Variants in LRRC53 observed in about 807,000 individuals in gnomAD.
LRRC53 encodes the protein leucine rich repeat containing 53, also known as leucine-rich repeat-containing protein 53.
A neutral mutation model predicts 13.6 loss-of-function variants in LRRC53; 25 were observed. The ratio of observed to expected loss-of-function variants is 1.83; its 90% CI spans 1.34 to 2.56. LRRC53 has a LOEUF of 2.56. Ranked by LOEUF, LRRC53 falls within the 30% of genes most tolerant of loss-of-function variation. The pLI is 0.00. For missense variants in LRRC53, 527 were observed against 275.8 expected (o/e 1.91, Z -6.45); for synonymous variants, 204 against 109.8 (o/e 1.86, Z -5.37).
At chr1:74,494,341 G>A (rs965936029) in intron 1 of LRRC53, among the ~76,000 whole-genome samples, 1 of 152,168 alleles carries the variant, frequency 6.6e-6, no homozygotes, top group Non-Finnish European at 1.5e-5. Flanking sequence ...TCTGATAAAG[G>A]AGTTGCAGCT....
chr1:74,502,985 G>A (rs186682324), intron 1 of LRRC53, among the ~76,000 whole-genome samples: 1 of 152,206 alleles, frequency 6.6e-6, no homozygotes, highest in South Asian at 2.1e-4. Flanking sequence ...AGTGACACTT[G>A]TGGACTAGCT....
chr1:74,515,200 T>C (rs561682538), upstream of LRRC53, among the ~76,000 whole-genome samples: 47 of 152,186 alleles, frequency 3.1e-4, 1 homozygote, highest in Non-Finnish European at 5.3e-4. Context: ...TGGAACTTTC[T>C]TATGGCAGCC....
Position 74,470,697 on chromosome 1 carries a change from G to T in LRRC53, c.2925C>A (p.Pro975=). Residue 975 remains proline (P), a synonymous_variant, in exon 5 of 5, where the codon CCC becomes CCA. Transcript: ENST00000294635. ...ENKEKTLMTK[P]QISHQIVENC... ...TTTCCACAATTTGATGTGATATTTGGGGTTTTGTCATTAATGTTTTTTCTT... is the reference window on the plus strand; with the variant it reads ...TTTCCACAATTTGATGTGATATTTGTGGTTTTGTCATTAATGTTTTTTCTT... The T allele has an allele frequency of 2.5e-6, 1 of 400,356 alleles. No homozygotes were observed. Among genetic ancestry groups the T allele is most frequent in the Admixed American group, 4.4e-5 (1 of 22,718 alleles). The allele number at this position is 400,356 out of a possible 1,614,324, so 24.8% of individuals were successfully genotyped here. A position where few individuals can be genotyped will look rare whatever the true frequency, so the allele number is the denominator to read the frequency against.
At chr1:74,490,864 A>G (rs1669033904) in intron 1 of LRRC53, among the ~76,000 whole-genome samples, 1 of 152,234 alleles carries the variant, frequency 6.6e-6, no homozygotes, top group Admixed American at 6.5e-5. Flanking sequence ...ATACATATAA[A>G]TATAATGTCC....
rs1366110861 is a variant in LRRC53, at chr1:74,472,099, G to T, written c.1523C>A (p.Pro508Gln). The T allele has an allele frequency of 2.8e-6, 2 of 716,696 alleles. No individual in the cohort carries two copies. The highest frequency in any genetic ancestry group is 5.2e-6 in the Non-Finnish European group (2 of 384,732). 44.4% of individuals were successfully genotyped at this position (716,696 alleles called of 1,614,324 possible). Residue 508 changes from proline (P) to glutamine (Q), a missense_variant, in exon 5 of 5, where the codon CCA (proline) becomes CAA (glutamine). By Grantham distance (76) the Pro-to-Gln change is moderately conservative. Transcript: ENST00000294635. ...KRLTNESWQP[P>Q]IEKEDNGLHP... ...TAAGCCATTGTCTTCTTTTTCTATT[G>T]GAGGCTGCCATGATTCATTTGTTAA...
chr1:74,507,588 C>T (rs1557615040), intron 1 of LRRC53, among the ~76,000 whole-genome samples: 1 of 152,132 alleles, frequency 6.6e-6, no homozygotes, highest in Admixed American at 6.5e-5. Context: ...TCAATCAATA[C>T]AAATCTTTCT....
chr1:74,520,626 G>A, the LRRC53 span, among the ~76,000 whole-genome samples: 1 of 151,906 alleles, frequency 6.6e-6, no homozygotes, highest in African/African-American at 2.4e-5. Flanking sequence ...AAAAAAAAAT[G>A]GGAAAAATCA....
In LRRC53 at chr1:74,471,104, A is replaced by G. The variant is rs1667910246; in HGVS notation, c.2518T>C (p.Leu840=). 1 of 400,722 alleles carries G rather than the reference A, an allele frequency of 2.5e-6. No individual in the cohort carries two copies. The highest frequency in any genetic ancestry group is 4.4e-5 in the Admixed American group (1 of 22,732). The allele number at this position is 400,722 out of a possible 1,614,324, so 24.8% of individuals were successfully genotyped here. Residue 840 remains leucine (L), a synonymous_variant, in exon 5 of 5, where the codon TTG becomes CTG. Transcript: ENST00000294635. ...GCATCAGTGGGTGTAGGTTGGGGCA[A>G]TTTTGATGTGTTTCCATCAGGAATG... ...GHIPDGNTSK[L]PQPTPTDAEH...
the LRRC53 span, among the ~76,000 whole-genome samples, chr1:74,518,942 T>C: frequency 9.4e-6 from 1 of 106,106 alleles, no homozygotes; most frequent in East Asian, 2.8e-4. Context: ...GCAGGTTAGT[T>C]ACATATGTAT....
intron 1 of LRRC53, among the ~76,000 whole-genome samples, chr1:74,510,138 T>G (rs1472783273): frequency 6.6e-6 from 1 of 150,608 alleles, no homozygotes; most frequent in African/African-American, 2.5e-5. Flanking sequence ...TTAGAGATGT[T>G]TAACTACATT....
At chr1:74,477,677 T>C (rs1332203673) in intron 3 of LRRC53, among the ~76,000 whole-genome samples, 1 of 152,194 alleles carries the variant, frequency 6.6e-6, no homozygotes, top group African/African-American at 2.4e-5. Context: ...ACTCCCCTGC[T>C]CTTGATACTA....
At chr1:74,531,205 G>C in the LRRC53 span, among the ~76,000 whole-genome samples, 1 of 152,156 alleles carries the variant, frequency 6.6e-6, no homozygotes, top group African/African-American at 2.4e-5. Flanking sequence ...AAATGCTTTG[G>C]CACTTGCCCA....
the LRRC53 span, among the ~76,000 whole-genome samples, chr1:74,523,293 C>T: frequency 6.6e-6 from 1 of 152,162 alleles, no homozygotes; most frequent in Non-Finnish European, 1.5e-5. Flanking sequence ...CACTTGATAC[C>T]TCATAGTGGA....
At chr1:74,501,532 G>T (rs1045219731) in intron 1 of LRRC53, among the ~76,000 whole-genome samples, 1 of 151,814 alleles carries the variant, frequency 6.6e-6, no homozygotes, top group African/African-American at 2.4e-5. Context: ...TGTCACCCAG[G>T]CTAGAGTGCA....
chr1:74,491,156 G>A (rs963953654), intron 1 of LRRC53, among the ~76,000 whole-genome samples: 2 of 152,172 alleles, frequency 1.3e-5, no homozygotes, highest in African/African-American at 4.8e-5. Context: ...CATGAAAACC[G>A]GTTGAAGGAG....
chr1:74,497,035 T>G (rs1173157036), intron 1 of LRRC53, among the ~76,000 whole-genome samples: 5 of 152,194 alleles, frequency 3.3e-5, no homozygotes, highest in African/African-American at 1.2e-4. Flanking sequence ...GGGATTAATT[T>G]TTCACACTAC....
chr1:74,524,528 A>G, the LRRC53 span, among the ~76,000 whole-genome samples: 1 of 152,206 alleles, frequency 6.6e-6, no homozygotes, highest in East Asian at 1.9e-4. Flanking sequence ...GGAAAAAGTC[A>G]CATAAATCTC....
chr1:74,532,483 T>C, the LRRC53 span, among the ~76,000 whole-genome samples: 1 of 152,110 alleles, frequency 6.6e-6, no homozygotes, highest in African/African-American at 2.4e-5. Flanking sequence ...TTTTATTTTA[T>C]TATTATTATA....
the LRRC53 span, among the ~76,000 whole-genome samples, chr1:74,523,246 C>T: frequency 6.6e-6 from 1 of 152,144 alleles, no homozygotes; most frequent in Non-Finnish European, 1.5e-5. Context: ...TTTTCTAACA[C>T]CTATGATTTC....
Sources: allele counts gnomAD v4.1 joint callset (sites outside exome capture counted in the v4.1 genomes callset), GRCh38; gene constraint gnomAD v4.1.1; transcripts MANE v1.5; gene names NCBI Gene and HGNC (gene_info 2026-07-23, HGNC 2026-07-21).